Variants in ANO7 observed in about 807,000 individuals in gnomAD.
The protein encoded by ANO7 is anoctamin-7.
In ANO7, 114 loss-of-function variants were observed where a neutral mutation model predicts 115.8. The ratio of observed to expected loss-of-function variants is 0.98; its 90% confidence interval spans 0.85 to 1.15. The LOEUF (loss-of-function observed/expected upper bound fraction) is 1.15. ANO7 is among the 50% of genes most tolerant of loss of function. The pLI is 0.00. For synonymous variants in ANO7, 550 were observed against 498.2 expected, an observed-to-expected ratio of 1.10 and a Z score of -1.38; for missense variants, 1,302 against 1,201.2, an observed-to-expected ratio of 1.08 and a Z score of -1.24.
chr2:241,192,537 C>T (rs1432065244), intron 3 of ANO7, among the ~76,000 whole-genome samples: 1 of 152,148 alleles, frequency 6.6e-6, no homozygotes, highest in East Asian at 1.9e-4. Flanking sequence ...TGGATTAGGG[C>T]ACACCCTAAT....
At chr2:241,190,431 G>A (rs1044126635) in intron 2 of ANO7, among the ~76,000 whole-genome samples, 8 of 152,226 alleles carry the variant, frequency 5.3e-5, no homozygotes, top group African/African-American at 1.7e-4. Context: ...GGTAAGGGGG[G>A]CCTGGCCAGG....
chr2:241,223,158 C>CG, intron 21 of ANO7, 28 bp from the exon 22 acceptor site: 1 of 1,603,866 alleles, frequency 6.2e-7, no homozygotes, highest in Non-Finnish European at 8.5e-7. Context: ...GCCCTGGCTG[C>CG]GCGCACTGAG....
intron 21 of ANO7, among the ~76,000 whole-genome samples, chr2:241,219,479 T>A (rs892294549): frequency 2.6e-5 from 4 of 152,162 alleles, no homozygotes; most frequent in African/African-American, 9.6e-5. Flanking sequence ...GGTTGTTTTT[T>A]TTATTATTAT....
rs754683486 is a variant in ANO7 at position 241,200,136 on chromosome 2, G to T, written c.465G>T (p.Trp155Cys). The T allele has an allele frequency of 5.6e-6, 9 of 1,613,236 alleles. No homozygotes were observed. Among genetic ancestry groups the T allele is most frequent in the Non-Finnish European group, 7.6e-6 (9 of 1,179,986 alleles). ...ASNWSAGLLA[W>C]LGIPNVLLEV... ...ACTGGTCGGCCGGCCTGCTGGCATG[G>T]CTGGGCATCCCCAACGTCCTGCTGG... The change falls in exon 6 of 25, where the codon TGG (tryptophan) becomes TGT (cysteine). Residue 155 changes from tryptophan to cysteine, a missense_variant. Coordinates refer to ENST00000674324, the MANE Select transcript of ANO7 (RefSeq NM_001370694.2).
intron 7 of ANO7, 70 bp from the exon 8 acceptor site, chr2:241,202,124 G>A (rs2068486051): frequency 2.2e-6 from 3 of 1,361,366 alleles, no homozygotes; most frequent in Non-Finnish European, 3.1e-6. Flanking sequence ...CTAAAGACAG[G>A]CTAGCTAGGA....
At position 241,210,300 on chromosome 2, in the gene ANO7, C is replaced by T. The variant is rs754282155; in HGVS notation, c.1365C>T (p.Ala455=). 250 of 1,613,716 alleles carry T rather than the reference C, an allele frequency of 1.5e-4. No individual in the cohort carries two copies. The highest frequency in any genetic ancestry group is 2.0e-4 in the Non-Finnish European group (231 of 1,179,936). Residue 455 remains alanine (A), a synonymous_variant, in exon 14 of 25, where the codon GCC becomes GCT. Transcript: ENST00000674324. ...GGGCCTCCCTGCCCCCGCAGGTGGC[C>T]GTGGTGGTCATGTGCCTCGTGTCTA... is the stretch of plus-strand genomic sequence containing the variant. ...AGSVVIVVMV[A]VVVMCLVSII...
Position 241,200,131 on chromosome 2 carries a change from G to A in ANO7, c.460G>A (p.Ala154Thr). 1.2e-6 allele frequency: 2 copies of A among 1,613,196 alleles called. No individual in the cohort carries two copies. The highest frequency in any genetic ancestry group is 1.7e-6 in the Non-Finnish European group (2 of 1,179,992). The change falls in exon 6 of 25, where the codon GCA becomes ACA. Residue 154 changes from alanine (A) to threonine (T), a missense_variant. By Grantham distance (58) the Ala-to-Thr change is moderately conservative. Coordinates refer to ENST00000674324, the MANE Select transcript of ANO7 (RefSeq NM_001370694.2). ...QASNWSAGLL[A>T]WLGIPNVLLE... ...CTCCAACTGGTCGGCCGGCCTGCTGGCATGGCTGGGCATCCCCAACGTCCT... is the reference window on the plus strand; with the variant it reads ...CTCCAACTGGTCGGCCGGCCTGCTGACATGGCTGGGCATCCCCAACGTCCT...
downstream of ANO7, chr2:241,227,717 AG>A (rs1344560181): frequency 1.3e-5 from 2 of 152,712 alleles, no homozygotes; most frequent in East Asian, 3.9e-4. Flanking sequence ...ACTGTAGAAA[AG>A]ACAGGAGGAA....
At chr2:241,194,293 G>A (rs2068271584) in intron 3 of ANO7, among the ~76,000 whole-genome samples, 1 of 145,832 alleles carries the variant, frequency 6.9e-6, no homozygotes, top group East Asian at 2.1e-4. Flanking sequence ...TAGGTATATA[G>A]AAATTATTTA....
At chr2:241,201,658 GC>G (rs2068475708) in intron 7 of ANO7, among the ~76,000 whole-genome samples, 1 of 152,236 alleles carries the variant, frequency 6.6e-6, no homozygotes, top group Non-Finnish European at 1.5e-5. Flanking sequence ...GGTGGGTCCT[GC>G]CGGCTGGGAG....
chr2:241,193,415 C>T (rs115072167), intron 3 of ANO7, among the ~76,000 whole-genome samples: 2,197 of 152,148 alleles, frequency 0.014, 21 homozygotes, highest in Middle Eastern at 0.024. Flanking sequence ...TTCTCAAAAT[C>T]CTCCACACGC....
intron 17 of ANO7, 123 bp downstream of exon 17, chr2:241,212,749 C>A: frequency 8.7e-7 from 1 of 1,152,226 alleles, no homozygotes; most frequent in Non-Finnish European, 1.2e-6. Flanking sequence ...ATCGCCCAGC[C>A]AGGGCCAGCT....
rs116085954 is a variant in ANO7, at chr2:241,216,186, C to G, written c.1920C>G (p.Asp640Glu). ...SAGASQGPWE[D>E]DYELVPCEGL... ...GGGCTAGCCAGGGGCCCTGGGAGGA[C>G]GACTATGAGCTTGTGCCCTGTGAGG... is the stretch of plus-strand genomic sequence containing the variant. The change falls in exon 19 of 25, where the codon GAC becomes GAG. Residue 640 changes from aspartate (D) to glutamate (E), a missense_variant. By Grantham distance (45) the Asp-to-Glu change is conservative (BLOSUM62 2). Transcript: ENST00000674324. 1 of 1,612,884 alleles carries G rather than the reference C, an allele frequency of 6.2e-7. No homozygotes were observed. Among genetic ancestry groups the G allele is most frequent in the South Asian group, 1.1e-5 (1 of 91,048 alleles).
intron 3 of ANO7, 112 bp downstream of exon 3, chr2:241,191,363 G>C (rs2074836): frequency 5.9e-6 from 8 of 1,347,692 alleles, no homozygotes; most frequent in Non-Finnish European, 8.3e-6. Flanking sequence ...TAGCCACTCT[G>C]GGGCCAGTTG....
the ANO7 span, chr2:241,239,481 A>T: frequency 1.4e-5 from 11 of 763,450 alleles, no homozygotes; most frequent in South Asian, 1.7e-4. The surrounding 1 kb of genome is among the most constrained non-coding windows in gnomAD (Gnocchi z 4.6). Context: ...GCCCCTTCTG[A>T]AGCCTTCCAG....
the ANO7 span, chr2:241,235,139 C>T: frequency 2.5e-6 from 4 of 1,613,768 alleles, no homozygotes; most frequent in South Asian, 2.2e-5. Context: ...CCTGCTCGGC[C>T]TGTAGCTCCT....
At chr2:241,212,282 A>G (rs926548104) in intron 16 of ANO7, 77 bp downstream of exon 16, 10 of 1,393,190 alleles carry the variant, frequency 7.2e-6, no homozygotes, top group African/African-American at 2.8e-5. Flanking sequence ...CCTGGGTACC[A>G]GGCGTCATCC....
intron 1 of ANO7, 68 bp from the exon 2 acceptor site, chr2:241,189,989 G>A (rs1488172815): frequency 8.0e-7 from 1 of 1,247,868 alleles, no homozygotes; most frequent in East Asian, 2.6e-5. Flanking sequence ...GCAGTGTGGT[G>A]GCCCCAGGAA....
chr2:241,208,536 T>G (rs1305550878), intron 11 of ANO7, among the ~76,000 whole-genome samples: 1 of 152,212 alleles, frequency 6.6e-6, no homozygotes, highest in African/African-American at 2.4e-5. Flanking sequence ...ACCTTACATC[T>G]ACAAAGGCCC....
Sources: allele counts gnomAD v4.1 joint callset (sites outside exome capture counted in the v4.1 genomes callset), GRCh38; gene constraint gnomAD v4.1.1; non-coding constraint Gnocchi (gnomAD v3.1); transcripts MANE v1.5; gene names NCBI Gene and HGNC (gene_info 2026-07-23, HGNC 2026-07-21).